The following MTCL1 variants were observed in gnomAD, a reference collection of about 807,000 sequenced individuals.
MTCL1 encodes microtubule crosslinking factor 1.
In MTCL1, 79 loss-of-function variants were observed where a neutral mutation model predicts 141.4. The ratio of observed to expected loss-of-function variants is 0.56; its 90% confidence interval spans 0.47 to 0.67. The LOEUF is 0.67. MTCL1 is among the 30% of genes least tolerant of loss of function. The pLI is 0.00. For missense variants in MTCL1, 2,177 were observed against 2,113.9 expected, an observed-to-expected ratio of 1.03 and a Z score of -0.59; for synonymous variants, 914 against 875.8, an observed-to-expected ratio of 1.04 and a Z score of -0.77.
intron 16 of MTCL1, chr18:8,831,361 C>T: frequency 3.8e-6 from 5 of 1,333,142 alleles, no homozygotes; most frequent in Non-Finnish European, 2.9e-6. Context: ...CAAGCTGACT[C>T]ATCTCACAGT....
At chr18:8,775,482 C>A (rs59857745) in intron 4 of MTCL1, among the ~76,000 whole-genome samples, 4,379 of 150,970 alleles carry the variant, frequency 0.029, 103 homozygotes, top group South Asian at 0.055. Context: ...CTGAGGCAGG[C>A]GAATCGCTTG....
At chr18:8,724,127 T>G (rs905110349) in intron 4 of MTCL1, among the ~76,000 whole-genome samples, 1 of 152,082 alleles carries the variant, frequency 6.6e-6, no homozygotes, top group Non-Finnish European at 1.5e-5. Context: ...CACTTGAAAA[T>G]GGTTTGTTTT....
At chr18:8,728,050 TCTC>T (rs2096227883) in intron 4 of MTCL1, among the ~76,000 whole-genome samples, 3 of 152,348 alleles carry the variant, frequency 2.0e-5, no homozygotes, top group South Asian at 4.1e-4. Flanking sequence ...TTAGCTGTAT[TCTC>T]CTCCTGAAGA....
chr18:8,802,688 G>T (rs1233179709), intron 10 of MTCL1, among the ~76,000 whole-genome samples: 2 of 152,176 alleles, frequency 1.3e-5, no homozygotes, highest in Non-Finnish European at 2.9e-5. Flanking sequence ...ATAGCACATT[G>T]TAAGTCTCAC....
Position 8,809,641 on chromosome 18 carries a change from T to C in MTCL1, c.2604+2581T>C, listed in dbSNP as rs142175368. 2.0e-4 allele frequency: 310 copies of C among 1,518,344 alleles called. 2 individuals carry two copies. The African/African-American group carries it at 3.9e-3, about 19-fold the overall frequency. The allele number at this position is 1,518,344 out of a possible 1,614,324, so 94.1% of individuals were successfully genotyped here. ...ACACACCTGAAAAAAACGGAGCAAGTAGAGAGTGGCCGGGCCTGGTGGCCG... is the reference window on the plus strand; with the variant it reads ...ACACACCTGAAAAAAACGGAGCAAGCAGAGAGTGGCCGGGCCTGGTGGCCG... On this transcript the variant is annotated intron_variant, in intron 11 of 16. Transcript: ENST00000359865.
exon 1 of MTCL1, chr18:8,706,548 C>T (rs1598334427): frequency 7.2e-7 from 1 of 1,391,022 alleles, no homozygotes; most frequent in Non-Finnish European, 9.3e-7. Flanking sequence ...TCGCGGGGCC[C>T]GGCGTGGCGG....
chr18:8,745,376 A>G (rs1234972798), intron 4 of MTCL1, among the ~76,000 whole-genome samples: 1 of 152,166 alleles, frequency 6.6e-6, no homozygotes, highest in African/African-American at 2.4e-5. Flanking sequence ...GAATAAACCA[A>G]GAGACGGAGT....
exon 10 of MTCL1, chr18:8,798,278 A>C (rs1350511021): frequency 1.9e-6 from 3 of 1,550,346 alleles, no homozygotes; most frequent in Admixed American, 4.0e-5. Context: ...GACAGGGGAC[A>C]GCCCCACAAA....
At chr18:8,814,966 GAAAC>G (rs1339050397) in intron 12 of MTCL1, among the ~76,000 whole-genome samples, 2 of 152,166 alleles carry the variant, frequency 1.3e-5, no homozygotes, top group Non-Finnish European at 2.9e-5. Flanking sequence ...TGACTTACAG[GAAAC>G]AACAGGTGCT....
In MTCL1 at chr18:8,806,129, C is replaced by G. The variant is rs144261621; in HGVS notation, c.2437-764C>G. The stretch of plus-strand genomic sequence containing the variant: ...AAATGTGAGGGTGGGTCTGGCTTGT[C>G]CTTTCCAAGAGGCAGAAAAGTGGGG... On this transcript the variant is annotated intron_variant, in intron 10 of 16. Coordinates refer to ENST00000359865, the Ensembl canonical transcript of MTCL1. Among the ~76,000 whole-genome samples the G allele has an allele frequency of 3.5e-3, 535 of 152,274 alleles. 5 individuals carry two copies. Among genetic ancestry groups the G allele is most frequent in the African/African-American group, 0.012 (513 of 41,554 alleles).
In MTCL1 at chr18:8,831,019, T is replaced by C. The variant is rs1413412868; in HGVS notation, c.*19-588T>C. 9.1e-6 allele frequency: 9 copies of C among 985,808 alleles called. No individual in the cohort carries two copies. In the African/African-American group the frequency reaches 1.6e-4, roughly 17 times the overall value. The allele number at this position is 985,808 out of a possible 1,614,324, so 61.1% of individuals were successfully genotyped here. The stretch of plus-strand genomic sequence containing the variant: ...TCATTAAAGAAAACCAGACCCAAAT[T>C]AAAATTTCTGCCTGCAGCATTTTTG... On this transcript the variant is annotated intron_variant, in intron 16 of 16. Coordinates refer to ENST00000359865, the Ensembl canonical transcript of MTCL1.
chr18:8,791,518 G>A (rs1402469313), intron 7 of MTCL1, among the ~76,000 whole-genome samples: 9 of 150,750 alleles, frequency 6.0e-5, no homozygotes, highest in Admixed American at 3.3e-4. Flanking sequence ...TGGCAGACAC[G>A]GCAAATAGCA....
At chr18:8,795,867 T>C (rs1358319566) in intron 8 of MTCL1, among the ~76,000 whole-genome samples, 5 of 152,174 alleles carry the variant, frequency 3.3e-5, no homozygotes, top group African/African-American at 9.7e-5. Flanking sequence ...GCCCAGCTCA[T>C]GTACAGAGGG....
At chr18:8,807,133 G>A in intron 11 of MTCL1, 73 bp downstream of exon 10, 1 of 1,443,322 alleles carries the variant, frequency 6.9e-7, no homozygotes, top group South Asian at 1.3e-5. Flanking sequence ...CGGGGGAGCG[G>A]GCACAGAGAG....
chr18:8,763,357 A>G (rs527662772), intron 4 of MTCL1, among the ~76,000 whole-genome samples: 3 of 152,340 alleles, frequency 2.0e-5, no homozygotes. Flanking sequence ...CCAGGGTCCA[A>G]CCTGCTGTAG....
At chr18:8,803,446 A>T (rs965808815) in intron 10 of MTCL1, among the ~76,000 whole-genome samples, 4 of 152,318 alleles carry the variant, frequency 2.6e-5, no homozygotes, top group Admixed American at 6.5e-5. Context: ...AAGCACCTAT[A>T]ATATTAGTAG....
At chr18:8,801,227 C>T (rs532533511) in intron 10 of MTCL1, among the ~76,000 whole-genome samples, 2 of 152,294 alleles carry the variant, frequency 1.3e-5, no homozygotes, top group South Asian at 4.2e-4. Flanking sequence ...GCAGGCTGCC[C>T]ACCTTTGCTT....
chr18:8,793,061 G>T (rs752506840), exon 8 of MTCL1: 2 of 1,614,168 alleles, frequency 1.2e-6, no homozygotes, highest in Non-Finnish European at 8.5e-7. Flanking sequence ...GGGTCAGCTC[G>T]TGCAGGCGGC....
At chr18:8,783,966 C>T (rs756603583) in exon 6 of MTCL1, 12 of 1,613,660 alleles carry the variant, frequency 7.4e-6, no homozygotes, top group Middle Eastern at 1.6e-4. Flanking sequence ...GAAGAGGAAG[C>T]GGAGTTGCTC....
Sources: allele counts gnomAD v4.1 joint callset (sites outside exome capture counted in the v4.1 genomes callset), GRCh38; gene constraint gnomAD v4.1.1; transcripts MANE v1.5; gene names NCBI Gene and HGNC (gene_info 2026-07-23, HGNC 2026-07-21).